Variants in PRR16 observed in about 807,000 individuals in gnomAD.
PRR16 encodes the protein proline rich 16.
A neutral mutation model predicts 18.2 loss-of-function variants in PRR16; 6 were observed. The observed-to-expected ratio is 0.33, with a 90% CI of 0.18 to 0.65. The LOEUF (loss-of-function observed/expected upper bound fraction) is 0.65, where lower values mean the gene tolerates loss of function less well. PRR16 is among the 30% of genes least tolerant of loss of function. The probability of loss-of-function intolerance (pLI) is 0.74; values close to 1 mark genes in which losing one functional copy is unlikely to be tolerated. For missense variants in PRR16, 412 were observed against 376.6 expected, an observed-to-expected ratio of 1.09 and a Z score of -0.78; for synonymous variants, 151 against 147.8, an observed-to-expected ratio of 1.02 and a Z score of -0.16.
the PRR16 span, among the ~76,000 whole-genome samples, chr5:120,694,670 G>C: frequency 7.3e-6 from 1 of 136,626 alleles, no homozygotes; most frequent in Admixed American, 7.6e-5. Context: ...GGGCGACAGC[G>C]AGACTCCGTC....
chr5:120,758,688 C>T, the PRR16 span, among the ~76,000 whole-genome samples: 1 of 152,086 alleles, frequency 6.6e-6, no homozygotes, highest in African/African-American at 2.4e-5. Flanking sequence ...ACGTGCCTTG[C>T]TTCCCCTTGG....
In PRR16 at chr5:120,605,822, C is replaced by T. The variant is rs151331038; in HGVS notation, c.160-80132C>T. Among the ~76,000 whole-genome samples, 980 of 152,292 alleles carry T rather than the reference C, an allele frequency of 6.4e-3. 5 individuals are homozygous for T. Among genetic ancestry groups the T allele is most frequent in the Admixed American group, 6.9e-3 (106 of 15,292 alleles). On this transcript the variant is annotated intron_variant, in intron 1 of 1. Coordinates refer to ENST00000407149, the MANE Select transcript of PRR16 (RefSeq NM_001300783.2). ...CCTGGGCTGCATGCTCTTACCCTGG[C>T]AGGCTAGGACCAGGAATGTAGCTTT...
In PRR16 at chr5:120,686,095, G is replaced by C. The variant is rs758988449; in HGVS notation, c.301G>C (p.Ala101Pro). 1 of 1,614,052 alleles carries C rather than the reference G, an allele frequency of 6.2e-7. No homozygotes were observed. Among genetic ancestry groups the C allele is most frequent in the Non-Finnish European group, 8.5e-7 (1 of 1,180,002 alleles). ...SLEKIKVQANAPLIKPPAHPS... is the reference protein window; with the variant it reads ...SLEKIKVQANPPLIKPPAHPS... The stretch of plus-strand genomic sequence containing the variant: ...AGAGAAGATCAAAGTGCAGGCTAAT[G>C]CACCGCTTATTAAACCCCCAGCACA... Residue 101 changes from alanine to proline, a missense_variant, in exon 2 of 2, where the codon GCA (alanine) becomes CCA (proline). By Grantham distance (27) the Ala-to-Pro change is conservative. Coordinates refer to ENST00000407149, the MANE Select transcript of PRR16 (RefSeq NM_001300783.2).
At chr5:120,732,024 T>C in the PRR16 span, among the ~76,000 whole-genome samples, 1 of 152,196 alleles carries the variant, frequency 6.6e-6, no homozygotes. Flanking sequence ...GACTGGGCTT[T>C]GCTTTCCTAG....
At chr5:120,754,312 AC>A in the PRR16 span, among the ~76,000 whole-genome samples, 12 of 57,680 alleles carry the variant, frequency 2.1e-4, no homozygotes, top group Admixed American at 1.1e-3. Context: ...ATAATATATA[AC>A]ATATAAATAT....
At chr5:120,643,352 A>G (rs1046538261) in intron 1 of PRR16, among the ~76,000 whole-genome samples, 20 of 152,182 alleles carry the variant, frequency 1.3e-4, no homozygotes, top group African/African-American at 4.8e-4. Context: ...TCATCTCTAC[A>G]TTGTTGTACT....
chr5:120,681,809 G>A (rs998618009), intron 1 of PRR16, among the ~76,000 whole-genome samples: 18 of 152,104 alleles, frequency 1.2e-4, no homozygotes, highest in African/African-American at 4.3e-4. Context: ...GGGAAGATCT[G>A]TCAGCTTAAT....
intron 1 of PRR16, among the ~76,000 whole-genome samples, chr5:120,491,006 C>T (rs1003611098): frequency 6.6e-6 from 1 of 152,166 alleles, no homozygotes; most frequent in Non-Finnish European, 1.5e-5. Context: ...CTGATCATTC[C>T]TCTGGAAGTT....
chr5:120,692,491 C>T, the PRR16 span, among the ~76,000 whole-genome samples: 16 of 152,260 alleles, frequency 1.1e-4, no homozygotes, highest in Non-Finnish European at 2.1e-4. Flanking sequence ...AAGATTTATG[C>T]ACCAAAGATT....
At chr5:120,777,842 A>G in the PRR16 span, among the ~76,000 whole-genome samples, 1 of 152,128 alleles carries the variant, frequency 6.6e-6, no homozygotes, top group East Asian at 1.9e-4. Context: ...TACGTGCTAT[A>G]TGTTTGCATA....
intron 1 of PRR16, among the ~76,000 whole-genome samples, chr5:120,486,833 A>C (rs1194489067): frequency 6.6e-6 from 1 of 152,208 alleles, no homozygotes; most frequent in Non-Finnish European, 1.5e-5. Flanking sequence ...GTAAGGTGTA[A>C]GGAAGGGATC....
At chr5:120,723,450 A>G in the PRR16 span, among the ~76,000 whole-genome samples, 216 of 152,144 alleles carry the variant, frequency 1.4e-3, 1 homozygote, top group African/African-American at 4.9e-3. Flanking sequence ...TAAATTAATA[A>G]TTTAAAAAAG....
chr5:120,718,652 A>C, the PRR16 span, among the ~76,000 whole-genome samples: 2 of 152,126 alleles, frequency 1.3e-5, no homozygotes, highest in Non-Finnish European at 2.9e-5. Context: ...ATACGTAGTT[A>C]CAATCCATGG....
chr5:120,789,678 T>G, the PRR16 span, among the ~76,000 whole-genome samples: 2 of 152,136 alleles, frequency 1.3e-5, no homozygotes, highest in Admixed American at 1.3e-4. Context: ...TTCTAAACAC[T>G]GTTAGGAATA....
chr5:120,794,124 TCA>T, the PRR16 span, among the ~76,000 whole-genome samples: 4 of 152,068 alleles, frequency 2.6e-5, no homozygotes, highest in African/African-American at 7.2e-5. Context: ...ATAATCTCTC[TCA>T]CTCATCAACA....
At chr5:120,618,491 ATTG>A (rs1754584830) in intron 1 of PRR16, 2 of 969,288 alleles carry the variant, frequency 2.1e-6, no homozygotes, top group Non-Finnish European at 2.5e-6. Context: ...ATGTGTTCTA[ATTG>A]TTGTAAAACA....
chr5:120,766,920 C>T, the PRR16 span, among the ~76,000 whole-genome samples: 1 of 151,774 alleles, frequency 6.6e-6, no homozygotes, highest in Admixed American at 6.6e-5. Flanking sequence ...CCTGTTTTAT[C>T]TCCTCCTCAG....
At chr5:120,476,374 C>T (rs1374284396) in intron 1 of PRR16, among the ~76,000 whole-genome samples, 1 of 152,122 alleles carries the variant, frequency 6.6e-6, no homozygotes, top group African/African-American at 2.4e-5. Context: ...GATATCTGTG[C>T]TCCTTATGTT....
chr5:120,528,698 A>G (rs1407960005), intron 1 of PRR16, among the ~76,000 whole-genome samples: 1 of 152,112 alleles, frequency 6.6e-6, no homozygotes, highest in African/African-American at 2.4e-5. Flanking sequence ...TGATTTATGG[A>G]AAGTTCAGTC....
Sources: allele counts gnomAD v4.1 joint callset (sites outside exome capture counted in the v4.1 genomes callset), GRCh38; gene constraint gnomAD v4.1.1; transcripts MANE v1.5; gene names NCBI Gene and HGNC (gene_info 2026-07-23, HGNC 2026-07-21).